Variants in PRKN observed in about 807,000 individuals in gnomAD.
The protein encoded by PRKN is E3 ubiquitin-protein ligase parkin.
A neutral mutation model predicts 59.5 loss-of-function variants in PRKN; 56 were observed. The observed-to-expected ratio is 0.94, with a 90% CI of 0.76 to 1.18. The LOEUF (loss-of-function observed/expected upper bound fraction) is 1.18. Ranked by LOEUF, PRKN falls within the 50% of genes most tolerant of loss-of-function variation. The pLI is 0.00. For synonymous variants in PRKN, 250 were observed against 222.1 expected (o/e 1.13, Z -1.12); for missense variants, 657 against 596.4 (o/e 1.10, Z -1.06).
intron 7 of PRKN, among the ~76,000 whole-genome samples, chr6:161,685,555 A>G (rs1004696757): frequency 2.0e-5 from 3 of 152,166 alleles, no homozygotes; most frequent in Admixed American, 1.3e-4. Flanking sequence ...CTCTCTTTCT[A>G]TATAGTGCAA....
chr6:162,216,258 C>T (rs535792572), intron 3 of PRKN, among the ~76,000 whole-genome samples: 11 of 151,916 alleles, frequency 7.2e-5, no homozygotes, highest in African/African-American at 2.7e-4. Context: ...CGGCCGGGCG[C>T]GGTGGCTCAC....
chr6:162,257,569 G>T (rs1779695072), intron 3 of PRKN, among the ~76,000 whole-genome samples: 1 of 151,974 alleles, frequency 6.6e-6, no homozygotes, highest in Admixed American at 6.6e-5. Context: ...GAATTGTCTG[G>T]GTCGGTTCCT....
chr6:161,726,712 G>T (rs938453444), intron 7 of PRKN, among the ~76,000 whole-genome samples: 4 of 152,016 alleles, frequency 2.6e-5, no homozygotes, highest in African/African-American at 7.2e-5. Flanking sequence ...CAAAAACAAA[G>T]ATAATGATAA....
intron 9 of PRKN, among the ~76,000 whole-genome samples, chr6:161,482,489 A>T (rs1203279397): frequency 1.3e-5 from 2 of 152,252 alleles, no homozygotes; most frequent in African/African-American, 4.8e-5. Flanking sequence ...AAGTTCTTTA[A>T]GGGAGAAAGC....
rs976362251 is a variant in PRKN, at chr6:161,406,934, C to T, written c.1084-20057G>A. The stretch of plus-strand genomic sequence containing the variant: ...GAGGAGCGTCTCGGCACTGCTGCTA[C>T]GGGTAAGGACAGAGCTTCTTGCTGA... On this transcript the variant is annotated intron_variant, in intron 9 of 11. Coordinates refer to ENST00000366898, the MANE Select transcript of PRKN (RefSeq NM_004562.3). Among the ~76,000 whole-genome samples, 55 of 152,096 alleles carry T rather than the reference C, an allele frequency of 3.6e-4. 1 individual carries two copies. The highest frequency in any genetic ancestry group is 1.3e-3 in the African/African-American group (52 of 41,386).
chr6:161,543,323 T>C lies in PRKN; in HGVS notation c.1083+5531A>G, dbSNP rs552256001. On this transcript the variant is annotated intron_variant, in intron 9 of 11. Transcript: ENST00000366898. ...ACGTTTCTTTGCACGAAGTAGGTCA[T>C]ATCCTGTATTTGCACAGGTCTAAAA... Among the ~76,000 whole-genome samples the C allele has an allele frequency of 1.1e-4, 17 of 152,362 alleles. No individual in the cohort carries two copies. In the South Asian group the frequency reaches 3.5e-3, roughly 32 times the overall value.
At chr6:162,045,741 C>T (rs1276893199) in intron 5 of PRKN, among the ~76,000 whole-genome samples, 2 of 152,202 alleles carry the variant, frequency 1.3e-5, no homozygotes, top group Non-Finnish European at 2.9e-5. Context: ...AGCCATCAAT[C>T]ACCTGCTGGA....
At chr6:161,649,772 G>A (rs1784084742) in intron 7 of PRKN, among the ~76,000 whole-genome samples, 1 of 152,166 alleles carries the variant, frequency 6.6e-6, no homozygotes, top group African/African-American at 2.4e-5. Context: ...ACAATGTCAG[G>A]TTGACACTCC....
At chr6:162,457,726 C>T (rs1163827225) in intron 1 of PRKN, among the ~76,000 whole-genome samples, 1 of 151,232 alleles carries the variant, frequency 6.6e-6, no homozygotes, top group African/African-American at 2.4e-5. Context: ...TTGTGTTTGT[C>T]TTATTAATAA....
intron 2 of PRKN, among the ~76,000 whole-genome samples, chr6:162,315,906 G>C (rs112613515): frequency 6.6e-6 from 1 of 152,024 alleles, no homozygotes; most frequent in East Asian, 1.9e-4. Context: ...ATCTGACTTC[G>C]CATCTACTCA....
intron 9 of PRKN, among the ~76,000 whole-genome samples, chr6:161,425,257 A>G (rs1324232513): frequency 6.6e-6 from 1 of 152,152 alleles, no homozygotes; most frequent in Admixed American, 6.5e-5. Flanking sequence ...CCAGCTTTCT[A>G]CTGACTCGTG....
chr6:161,838,239 T>C (rs979660562), intron 6 of PRKN, among the ~76,000 whole-genome samples: 3 of 152,342 alleles, frequency 2.0e-5, no homozygotes, highest in South Asian at 2.1e-4. Context: ...AAATAACTTG[T>C]AGAAACTCAT....
intron 4 of PRKN, among the ~76,000 whole-genome samples, chr6:162,146,468 CAT>C (rs35921902): frequency 6.7e-6 from 1 of 149,870 alleles, no homozygotes. Context: ...ATATACTAAA[CAT>C]ATATATATAC....
At chr6:162,119,897 T>C (rs1780831989) in intron 4 of PRKN, among the ~76,000 whole-genome samples, 1 of 152,232 alleles carries the variant, frequency 6.6e-6, no homozygotes, top group South Asian at 2.1e-4. Flanking sequence ...AACTTAATTG[T>C]AATTCTGTAA....
At position 162,010,180 on chromosome 6, in the gene PRKN, A is replaced by G. The variant is rs562248793; in HGVS notation, c.619-36763T>C. Among the ~76,000 whole-genome samples, 428 of 142,724 alleles carry G rather than the reference A, an allele frequency of 3.0e-3. 11 individuals are homozygous for G. The highest frequency in any genetic ancestry group is 0.011 in the African/African-American group (405 of 38,244). 93.6% of individuals were successfully genotyped at this position (142,724 alleles called of 152,430 possible). ...GGGAGACCCCTCGCAGAATCAATCA[A>G]TTTGCTTTGGAACAAATTTCTGATA... On this transcript the variant is annotated intron_variant, in intron 5 of 11. Transcript: ENST00000366898.
intron 7 of PRKN, among the ~76,000 whole-genome samples, chr6:161,687,877 T>C (rs1019307388): frequency 6.6e-6 from 1 of 152,348 alleles, no homozygotes; most frequent in African/African-American, 2.4e-5. Flanking sequence ...TTTAATTACT[T>C]ACTTAATTTG....
At chr6:161,803,534 G>A (rs1023831667) in intron 6 of PRKN, among the ~76,000 whole-genome samples, 9 of 152,202 alleles carry the variant, frequency 5.9e-5, no homozygotes, top group Non-Finnish European at 7.3e-5. Context: ...TCATTGAGCA[G>A]ACTGGAAACA....
chr6:162,668,933 T>C (rs535947275), intron 1 of PRKN, among the ~76,000 whole-genome samples: 1 of 152,304 alleles, frequency 6.6e-6, no homozygotes, highest in East Asian at 1.9e-4. Context: ...GTGGTAACGA[T>C]GTATCTTGAC....
In PRKN at chr6:161,903,315, T is replaced by G. The variant is rs113828684; in HGVS notation, c.734+69987A>C. The stretch of plus-strand genomic sequence containing the variant: ...TTACACCACAGAAATTGGCAGCAAC[T>G]GCAAAGTGGGCTCTTTTGTTTACCT... On this transcript the variant is annotated intron_variant, in intron 6 of 11. Coordinates refer to ENST00000366898, the MANE Select transcript of PRKN (RefSeq NM_004562.3). Among the ~76,000 whole-genome samples the G allele has an allele frequency of 2.0e-3, 297 of 152,246 alleles. 1 individual carries two copies. The highest frequency in any genetic ancestry group is 7.0e-3 in the African/African-American group (289 of 41,528).
Sources: gnomAD v4.1 joint callset for allele counts (sites outside exome capture counted in the v4.1 genomes callset) on GRCh38, gnomAD v4.1.1 for gene constraint, MANE v1.5 for transcripts, NCBI Gene and HGNC (gene_info 2026-07-23, HGNC 2026-07-21) for gene names.